MED13L: variants seen among roughly 807,000 people sequenced by gnomAD.
MED13L encodes the protein mediator complex subunit 13L.
MED13L carries 7 observed loss-of-function variants against 220.9 expected under a neutral mutation model. The observed-to-expected ratio is 0.03, with a 90% CI of 0.02 to 0.06. The LOEUF is 0.06. MED13L is among the 10% of genes least tolerant of loss of function. The pLI, the probability that MED13L is intolerant of heterozygous loss-of-function variation, is 1.00. For missense variants in MED13L, 1,965 were observed against 2,760.5 expected (o/e 0.71, Z 6.46); for synonymous variants, 1,011 against 1,015.2 (o/e 1.00, Z 0.08).
At chr12:116,185,595 A>AT (rs1417849067) in intron 2 of MED13L, among the ~76,000 whole-genome samples, 1 of 151,740 alleles carries the variant, frequency 6.6e-6, no homozygotes, top group Non-Finnish European at 1.5e-5. Context: ...TTATTGATCT[A>AT]TTTCCTGATA....
chr12:116,190,091 G>A (rs1048250800), intron 2 of MED13L, among the ~76,000 whole-genome samples: 1 of 152,038 alleles, frequency 6.6e-6, no homozygotes, highest in Non-Finnish European at 1.5e-5. Context: ...GTATTATATT[G>A]AATAAAAATG....
At chr12:116,167,521 C>T (rs1405003077) in intron 2 of MED13L, among the ~76,000 whole-genome samples, 11 of 151,980 alleles carry the variant, frequency 7.2e-5, no homozygotes, top group East Asian at 3.8e-4. Flanking sequence ...ATATCTTGTT[C>T]GTTCAGTAAG....
chr12:116,277,093 G>C lies in MED13L; in HGVS notation c.39C>G (p.Ser13Arg), dbSNP rs1873931395. 1 of 1,592,664 alleles carries C rather than the reference G, an allele frequency of 6.3e-7. No homozygotes were observed. Among genetic ancestry groups the C allele is most frequent in the Non-Finnish European group, 8.5e-7 (1 of 1,171,320 alleles). The change falls in exon 1 of 31, where the codon AGC becomes AGG. Residue 13 changes from serine (S) to arginine (R), a missense_variant. Physicochemically the swap from Ser to Arg is moderately radical, Grantham distance 110. Transcript: ENST00000281928. ...AGAGGTTGGAGTGACAATCCTCCAG[G>C]CTCGCCCCGTTCGCCACCCAGTTCG... ...AAANWVANGA[S>R]LEDCHSNLFS...
rs574642211 is a variant in MED13L, at chr12:116,228,501, C to T, written c.310+8967G>A. 5.9e-5 allele frequency among the ~76,000 whole-genome samples: 9 copies of T among 152,216 alleles called. 4 individuals are homozygous for T. Among genetic ancestry groups the T allele is most frequent in the African/African-American group, 2.2e-4 (9 of 41,538 alleles). On this transcript the variant is annotated intron_variant, in intron 2 of 30. Coordinates refer to ENST00000281928, the MANE Select transcript of MED13L (RefSeq NM_015335.5). Reference sequence around the variant, plus strand: ...GCCCAACTACTGCTTTTCTTTTCTGCAGAGACAGGGTCCCACTGCAGAAGA... The same window carrying T: ...GCCCAACTACTGCTTTTCTTTTCTGTAGAGACAGGGTCCCACTGCAGAAGA...
chr12:116,271,122 G>GA (rs1327680528), intron 1 of MED13L, among the ~76,000 whole-genome samples: 1 of 150,716 alleles, frequency 6.6e-6, no homozygotes, highest in Non-Finnish European at 1.5e-5. Context: ...CAAGAGGGGG[G>GA]AAAATGTCCT....
At chr12:116,071,017 A>C (rs766066765) in intron 4 of MED13L, among the ~76,000 whole-genome samples, 2 of 152,226 alleles carry the variant, frequency 1.3e-5, no homozygotes, top group Non-Finnish European at 2.9e-5. Flanking sequence ...TCAGAAGATA[A>C]TAAAATTTAC....
chr12:116,010,808 A>T (rs1879344942), intron 9 of MED13L, among the ~76,000 whole-genome samples: 1 of 152,138 alleles, frequency 6.6e-6, no homozygotes, highest in East Asian at 1.9e-4. Flanking sequence ...GGGAAGAGAA[A>T]ATTGTGATAA....
At chr12:116,274,432 A>C (rs531281956) in intron 1 of MED13L, among the ~76,000 whole-genome samples, 6 of 151,642 alleles carry the variant, frequency 4.0e-5, no homozygotes, top group Admixed American at 3.9e-4. Context: ...AACAAAAAAA[A>C]AAAAAACCCT....
intron 4 of MED13L, among the ~76,000 whole-genome samples, chr12:116,039,704 T>G (rs1881408073): frequency 6.6e-6 from 1 of 152,160 alleles, no homozygotes; most frequent in Non-Finnish European, 1.5e-5. Flanking sequence ...AAGGCTATGA[T>G]GGCAGCCCAA....
intron 2 of MED13L, among the ~76,000 whole-genome samples, chr12:116,178,801 C>T (rs532848194): frequency 7.2e-5 from 11 of 152,242 alleles, no homozygotes; most frequent in Admixed American, 3.9e-4. Flanking sequence ...AATATTCATT[C>T]GCTTCTAAAA....
intron 2 of MED13L, among the ~76,000 whole-genome samples, chr12:116,208,169 AG>A (rs1233996219): frequency 6.6e-6 from 1 of 152,110 alleles, no homozygotes; most frequent in Non-Finnish European, 1.5e-5. Flanking sequence ...CCGAGACAGG[AG>A]GATCACCTGA....
chr12:116,162,434 T>G (rs1460244542), intron 2 of MED13L, among the ~76,000 whole-genome samples: 1 of 152,192 alleles, frequency 6.6e-6, no homozygotes, highest in Non-Finnish European at 1.5e-5. Context: ...TAAAAGTGGA[T>G]ATGGAAATAT....
chr12:116,210,421 TAATA>T (rs1395405307), intron 2 of MED13L, among the ~76,000 whole-genome samples: 1 of 151,770 alleles, frequency 6.6e-6, no homozygotes. Flanking sequence ...TGAGAGCATT[TAATA>T]AATGTTTGTT....
At chr12:116,004,447 T>G (rs1878924795) in intron 13 of MED13L, among the ~76,000 whole-genome samples, 1 of 152,080 alleles carries the variant, frequency 6.6e-6, no homozygotes, top group African/African-American at 2.4e-5. Context: ...AGTTACCAGA[T>G]TAGAGGATTC....
chr12:116,020,196 C>G (rs1193590070), intron 5 of MED13L, among the ~76,000 whole-genome samples: 2 of 152,070 alleles, frequency 1.3e-5, no homozygotes, highest in Non-Finnish European at 2.9e-5. Flanking sequence ...AACTCCCAGG[C>G]TCAAGTGATG....
intron 2 of MED13L, among the ~76,000 whole-genome samples, chr12:116,179,933 A>G (rs2138217853): frequency 6.6e-6 from 1 of 152,320 alleles, no homozygotes; most frequent in South Asian, 2.1e-4. Context: ...AAAGAACTGT[A>G]AAAGATTCCA....
intron 4 of MED13L, among the ~76,000 whole-genome samples, chr12:116,066,201 A>G (rs934933993): frequency 3.3e-5 from 5 of 152,200 alleles, no homozygotes; most frequent in South Asian, 2.1e-4. Flanking sequence ...AAGCATGCGC[A>G]CTCTGGACAC....
intron 22 of MED13L, among the ~76,000 whole-genome samples, chr12:115,981,248 C>G (rs1366995473): frequency 6.6e-6 from 1 of 152,094 alleles, no homozygotes; most frequent in Non-Finnish European, 1.5e-5. Context: ...ACAGGTATTA[C>G]CATGGCCCCA....
intron 2 of MED13L, among the ~76,000 whole-genome samples, chr12:116,202,695 G>T (rs1882079556): frequency 6.6e-6 from 1 of 152,088 alleles, no homozygotes; most frequent in African/African-American, 2.4e-5. Flanking sequence ...TGATGCACAA[G>T]GAACTCCCCT....
Sources: allele counts gnomAD v4.1 joint callset (sites outside exome capture counted in the v4.1 genomes callset), GRCh38; gene constraint gnomAD v4.1.1; transcripts MANE v1.5; gene names NCBI Gene and HGNC (gene_info 2026-07-23, HGNC 2026-07-21).